The following NES variants were observed in gnomAD, a reference collection of about 807,000 sequenced individuals.
The protein encoded by NES is nestin.
Under a neutral mutation model 35.6 loss-of-function variants are expected in NES, and 27 were observed. That is an observed-to-expected ratio of 0.76 (90% CI 0.56 to 1.04). NES has a LOEUF of 1.04. Ranked by LOEUF, NES falls within the 50% of genes least tolerant of loss-of-function variation. NES has a pLI of 0.00. For missense variants in NES, 1,867 were observed against 1,983.6 expected (o/e 0.94, Z 1.12); for synonymous variants, 822 against 824.2 (o/e 1.00, Z 0.04).
At position 156,670,430 on chromosome 1, in the gene NES, G is replaced by C; in HGVS notation, c.3758C>G (p.Ala1253Gly). The C allele has an allele frequency of 6.4e-7, 1 of 1,563,508 alleles. No homozygotes were observed. Among genetic ancestry groups the C allele is most frequent in the East Asian group, 2.3e-5 (1 of 44,434 alleles). The change falls in exon 4 of 4, where the codon GCT (alanine) becomes GGT (glycine). Residue 1253 changes from alanine (A) to glycine (G), a missense_variant. Transcript: ENST00000368223. The part of the protein sequence containing the change: ...QEASWGVQGR[A>G]EALGKVESEQ... Reference sequence around the variant, plus strand: ...GCTCTCTACTTTCCCCAGGGCTTCAGCCCTCCCCTGCACCCCCCAGCTAGC... The same window carrying C: ...GCTCTCTACTTTCCCCAGGGCTTCACCCCTCCCCTGCACCCCCCAGCTAGC...
In NES at chr1:156,670,970, G is replaced by T. The variant is rs768118260; in HGVS notation, c.3218C>A (p.Pro1073Gln). 2.5e-6 allele frequency: 4 copies of T among 1,609,872 alleles called. No individual in the cohort carries two copies. In the South Asian group the frequency reaches 3.3e-5, roughly 13 times the overall value. The part of the protein sequence containing the change: ...IEPLVEDDVA[P>Q]GGDQASPEVM... ...CTCTGGGGAGGCTTGGTCACCCCCT[G>T]GGGCCACATCATCTTCCACCAGGGG... is the stretch of plus-strand genomic sequence containing the variant. Residue 1073 changes from proline (P) to glutamine (Q), a missense_variant, in exon 4 of 4, where the codon CCA (proline) becomes CAA (glutamine). Pro to Gln is a moderately conservative substitution (Grantham distance 76, BLOSUM62 -1). Transcript: ENST00000368223.
intron 3 of NES, 67 bp downstream of exon 3, chr1:156,673,387 A>G (rs1679778099): frequency 6.8e-7 from 1 of 1,477,716 alleles, no homozygotes; most frequent in Non-Finnish European, 9.3e-7. Context: ...GCCTCTCGGG[A>G]AAGATAGGTC....
rs1173924663 is a variant in NES at position 156,671,637 on chromosome 1, T to C, written c.2551A>G (p.Thr851Ala). 2 of 1,613,794 alleles carry C rather than the reference T, an allele frequency of 1.2e-6. No homozygotes were observed. Among genetic ancestry groups the C allele is most frequent in the East Asian group, 4.5e-5 (2 of 44,898 alleles). The part of the protein sequence containing the change: ...KSPETQAPLW[T>A]PEEINQGAMN... ...GCCCCCTGATTTATTTCTTCTGGAG[T>C]CCACAGTGGTGCTTGAGTTTCTGGA... The change falls in exon 4 of 4, where the codon ACT becomes GCT. Residue 851 changes from threonine (T) to alanine (A), a missense_variant. Physicochemically the swap from Thr to Ala is moderately conservative, Grantham distance 58 (BLOSUM62 0). Transcript: ENST00000368223.
intron 2 of NES, among the ~76,000 whole-genome samples, chr1:156,674,430 C>G (rs1224509264): frequency 6.6e-6 from 1 of 152,176 alleles, no homozygotes; most frequent in Non-Finnish European, 1.5e-5. Context: ...TCCACGTCCT[C>G]CCCAGAGCCT....
In NES at chr1:156,670,108, G is replaced by A. The variant is rs759241030; in HGVS notation, c.4080C>T (p.Gly1360=). ...EEGEEGEEEC[G]RDSDLSEEFE... is the part of the protein sequence containing the mutation. Reference sequence around the variant, plus strand: ...ATTCTTCTGACAGGTCAGAGTCACGGCCACACTCCTCTTCTCCCTCCTCCC... The same window carrying A: ...ATTCTTCTGACAGGTCAGAGTCACGACCACACTCCTCTTCTCCCTCCTCCC... The change falls in exon 4 of 4, where the codon GGC becomes GGT. Residue 1360 remains glycine (G), a synonymous_variant. Coordinates refer to ENST00000368223, the MANE Select transcript of NES (RefSeq NM_006617.2). 6.2e-7 allele frequency: 1 copy of A among 1,613,926 alleles called. No individual in the cohort carries two copies. The highest frequency in any genetic ancestry group is 1.1e-5 in the South Asian group (1 of 91,084).
In NES at chr1:156,677,142, C is replaced by G; in HGVS notation, c.123G>C (p.Gly41=). 6.2e-7 allele frequency: 1 copy of G among 1,610,310 alleles called. No homozygotes were observed. Among genetic ancestry groups the G allele is most frequent in the Non-Finnish European group, 8.5e-7 (1 of 1,178,964 alleles). The part of the protein sequence containing the change: ...EQNELLSAEL[G]GLRAQSADTS... ...TGTCCGCGGATTGTGCCCGGAGCCC[C>G]CCGAGCTCCGCGCTGAGCAGCTCAT... Residue 41 remains glycine, a synonymous_variant, in exon 1 of 4, where the codon GGG becomes GGC. Transcript: ENST00000368223. The surrounding 1 kb of genome is among the most constrained non-coding windows in gnomAD (Gnocchi z 4.5).
Position 156,671,003 on chromosome 1 carries a change from G to A in NES, c.3185C>T (p.Ala1062Val), listed in dbSNP as rs762596243. The stretch of plus-strand genomic sequence containing the variant: ...ATCATCTTCCACCAGGGGCTCTATC[G>A]CCTCTGGCAGCCCCTGGGGAGCCTG... ...GLQAPQGLPE[A>V]IEPLVEDDVA... is the part of the protein sequence containing the mutation. Residue 1062 changes from alanine (A) to valine (V), a missense_variant, in exon 4 of 4, where the codon GCG (alanine) becomes GTG (valine). Coordinates refer to ENST00000368223, the MANE Select transcript of NES (RefSeq NM_006617.2). 19 of 1,611,366 alleles carry A rather than the reference G, an allele frequency of 1.2e-5. No individual in the cohort carries two copies. Among genetic ancestry groups the A allele is most frequent in the East Asian group, 4.5e-5 (2 of 44,822 alleles).
At position 156,676,153 on chromosome 1, in the gene NES, C is replaced by T. The variant is rs1490472054; in HGVS notation, c.783+329G>A. 6.6e-6 allele frequency among the ~76,000 whole-genome samples: 1 copy of T among 152,216 alleles called. No individual in the cohort carries two copies. Among genetic ancestry groups the T allele is most frequent in the African/African-American group, 2.4e-5 (1 of 41,462 alleles). ...GCGCAGAGGCGACAGTGCTGGGTGTCCTCCTAGTAATACCAGAGCCTGGGA... is the reference window on the plus strand; with the variant it reads ...GCGCAGAGGCGACAGTGCTGGGTGTTCTCCTAGTAATACCAGAGCCTGGGA... On this transcript the variant is annotated intron_variant, in intron 1 of 3. Coordinates refer to ENST00000368223, the MANE Select transcript of NES (RefSeq NM_006617.2). This position sits in a 1 kb window ranked among gnomAD's most constrained non-coding sequence, Gnocchi z 5.3.
rs755601967 is a variant in NES at position 156,672,624 on chromosome 1, C to T, written c.1564G>A (p.Glu522Lys). The part of the protein sequence containing the change: ...EGKVVSSLQQ[E>K]IWEEEDLNRK... ...TTTAGATCCTCTTCTTCCCATATTT[C>T]CTGCTGCAAGCTGCTTACCACTTTG... The change falls in exon 4 of 4, where the codon GAA becomes AAA. Residue 522 changes from glutamate (E) to lysine (K), a missense_variant. Transcript: ENST00000368223. The T allele has an allele frequency of 6.2e-7, 1 of 1,613,944 alleles. No individual in the cohort carries two copies. The highest frequency in any genetic ancestry group is 8.5e-7 in the Non-Finnish European group (1 of 1,180,036).
intron 1 of NES, 150 bp from the exon 2 acceptor site, chr1:156,675,490 T>C (rs1044478165): frequency 5.6e-6 from 5 of 898,448 alleles, no homozygotes; most frequent in Non-Finnish European, 8.1e-6. Flanking sequence ...CCTACCCTAT[T>C]CCCTGCCCAG....
Position 156,670,073 on chromosome 1 carries a change from A to G in NES, c.4115T>C (p.Leu1372Pro), listed in dbSNP as rs925325847. ...AGGAAGAAAAGGTGCCTCAGTCCCCAGGTCCTCAAATTCTTCTGACAGGTC... is the reference window on the plus strand; with the variant it reads ...AGGAAGAAAAGGTGCCTCAGTCCCCGGGTCCTCAAATTCTTCTGACAGGTC... ...DSDLSEEFED[L>P]GTEAPFLPGV... is the part of the protein sequence containing the mutation. Residue 1372 changes from leucine to proline, a missense_variant, in exon 4 of 4, where the codon CTG becomes CCG. Physicochemically the swap from Leu to Pro is moderately conservative, Grantham distance 98. Coordinates refer to ENST00000368223, the MANE Select transcript of NES (RefSeq NM_006617.2). 8 of 1,613,874 alleles carry G rather than the reference A, an allele frequency of 5.0e-6. No homozygotes were observed. The highest frequency in any genetic ancestry group is 3.3e-4 in the Middle Eastern group (2 of 6,082).
chr1:156,673,548 G>C (rs1163246168), intron 2 of NES, 21 bp from the exon 3 acceptor site: 2 of 1,584,676 alleles, frequency 1.3e-6, no homozygotes, highest in East Asian at 2.3e-5. Context: ...CAGAGGGAAA[G>C]TGGGGTCAGC....
chr1:156,672,208 C>CA lies in NES; in HGVS notation c.1979dup (p.Gln661AlafsTer26). 6.2e-7 allele frequency: 1 copy of CA among 1,605,950 alleles called. No homozygotes were observed. The highest frequency in any genetic ancestry group is 8.5e-7 in the Non-Finnish European group (1 of 1,177,870). On this transcript the variant is annotated frameshift_variant, in exon 4 of 4. Transcript: ENST00000368223. LOFTEE classifies it low-confidence loss of function (END_TRUNC). The stretch of plus-strand genomic sequence containing the variant: ...CTGTCAATGACTCTAAGTTCTCTTG[C>CA]AGAGAACTTACTAATTCTTGATTTT...
In NES at chr1:156,676,786, CG is replaced by C; in HGVS notation, c.478del (p.Arg160AlafsTer16). Reference protein sequence around the residue: ...GLNAQAACAPRCPAPPRGPPA... With the variant: ...GLNAQAACAPXCPAPPRGPPA... ...AGGCCCGCGGGGCGGCGCGGGGCAG[CG>C]GGGGGCACAGGCAGCCTGCGCGTTC... On this transcript the variant is annotated frameshift_variant, in exon 1 of 4. Transcript: ENST00000368223. LOFTEE classifies it high-confidence loss of function. This position sits in a 1 kb window ranked among gnomAD's most constrained non-coding sequence, Gnocchi z 5.3. 5 of 1,387,754 alleles carry C rather than the reference CG, an allele frequency of 3.6e-6. No individual in the cohort carries two copies. Among genetic ancestry groups the C allele is most frequent in the Non-Finnish European group, 3.7e-6 (4 of 1,082,120 alleles). The allele number at this position is 1,387,754 out of a possible 1,614,324, so 86.0% of individuals were successfully genotyped here. A position where few individuals can be genotyped will look rare whatever the true frequency, so the allele number is the denominator to read the frequency against.
Position 156,670,365 on chromosome 1 carries a change from G to A in NES, c.3823C>T (p.Pro1275Ser). Residue 1275 changes from proline to serine, a missense_variant, in exon 4 of 4, where the codon CCC becomes TCC. Coordinates refer to ENST00000368223, the MANE Select transcript of NES (RefSeq NM_006617.2). Reference sequence around the variant, plus strand: ...CTGCTCTCCTCCCCTTCCTCCTGGGGGCCCTCGGGGATCTCCCCAGAACCC... The same window carrying A: ...CTGCTCTCCTCCCCTTCCTCCTGGGAGCCCTCGGGGATCTCCCCAGAACCC... ...ELGSGEIPEG[P>S]QEEGEESREE... 3 of 1,606,998 alleles carry A rather than the reference G, an allele frequency of 1.9e-6. No homozygotes were observed. The highest frequency in any genetic ancestry group is 2.6e-6 in the Non-Finnish European group (3 of 1,176,370).
rs964505840 is a variant in NES at position 156,677,322 on chromosome 1, G to A, written c.-58C>T. The A allele has an allele frequency of 1.5e-6, 2 of 1,369,190 alleles. No homozygotes were observed. The highest frequency in any genetic ancestry group is 2.6e-5 in the South Asian group (2 of 77,352). The allele number at this position is 1,369,190 out of a possible 1,614,324, so 84.8% of individuals were successfully genotyped here. ...CGCGGGGCACCGGGAGAAGGGAGCG[G>A]CTCGCAGAGCTTTTAGGACGGAAGA... is the stretch of plus-strand genomic sequence containing the variant. On this transcript the variant is annotated 5_prime_UTR_variant, in exon 1 of 4. Transcript: ENST00000368223. This position sits in a 1 kb window ranked among gnomAD's most constrained non-coding sequence, Gnocchi z 4.5.
rs1298738098 is a variant in NES, at chr1:156,670,342, G to T, written c.3846C>A (p.Ser1282Arg). Residue 1282 changes from serine to arginine, a missense_variant, in exon 4 of 4, where the codon AGC becomes AGA. Ser to Arg is a moderately radical substitution (Grantham distance 110). Transcript: ENST00000368223. The part of the protein sequence containing the change: ...PEGPQEEGEE[S>R]REESEEDELG... ...GCTCATCCTCCTCGCTCTCTTCTCTGCTCTCCTCCCCTTCCTCCTGGGGGC... is the reference window on the plus strand; with the variant it reads ...GCTCATCCTCCTCGCTCTCTTCTCTTCTCTCCTCCCCTTCCTCCTGGGGGC... 1 of 1,611,356 alleles carries T rather than the reference G, an allele frequency of 6.2e-7. No individual in the cohort carries two copies. The highest frequency in any genetic ancestry group is 1.7e-5 in the Admixed American group (1 of 59,754).
chr1:156,673,226 G>A (rs202239313), intron 3 of NES, 21 bp from the exon 4 acceptor site: 12 of 1,482,178 alleles, frequency 8.1e-6, no homozygotes, highest in East Asian at 7.0e-5. Context: ...AGAGGGGGAA[G>A]AAACAGCATC....
chr1:156,670,283 C>A lies in NES; in HGVS notation c.3905G>T (p.Gly1302Val). ...GETLPDSTPL[G>V]FYLRSPTSPR... is the part of the protein sequence containing the mutation. ...GGAGGTGGGGGACCTGAGGTAGAAG[C>A]CCAGGGGAGTGGAGTCTGGAAGGGT... Residue 1302 changes from glycine (G) to valine (V), a missense_variant, in exon 4 of 4, where the codon GGC (glycine) becomes GTC (valine). Coordinates refer to ENST00000368223, the MANE Select transcript of NES (RefSeq NM_006617.2). The A allele has an allele frequency of 6.2e-7, 1 of 1,611,498 alleles. No individual in the cohort carries two copies. Among genetic ancestry groups the A allele is most frequent in the Non-Finnish European group, 8.5e-7 (1 of 1,178,432 alleles).
Sources: gnomAD v4.1 joint callset for allele counts (sites outside exome capture counted in the v4.1 genomes callset) on GRCh38, gnomAD v4.1.1 for gene constraint, Gnocchi (gnomAD v3.1) non-coding constraint, MANE v1.5 for transcripts, NCBI Gene and HGNC (gene_info 2026-07-23, HGNC 2026-07-21) for gene names.